The following DGAT2 variants were observed in gnomAD, a reference collection of about 807,000 sequenced individuals.
The protein encoded by DGAT2 is diacylglycerol O-acyltransferase 2.
In DGAT2, 33 loss-of-function variants were observed where a neutral mutation model predicts 48.4. The ratio of observed to expected loss-of-function variants is 0.68; its 90% confidence interval spans 0.52 to 0.91. The LOEUF (loss-of-function observed/expected upper bound fraction) is 0.91. DGAT2 is among the 40% of genes least tolerant of loss of function. The pLI, the probability that DGAT2 is intolerant of heterozygous loss-of-function variation, is 0.00. For synonymous variants in DGAT2, 191 were observed against 194.1 expected (o/e 0.98, Z 0.13); for missense variants, 446 against 493.7 (o/e 0.90, Z 0.92).
intron 1 of DGAT2, chr11:75,774,147 CAGTT>C (rs1266603745): frequency 6.6e-6 from 1 of 152,260 alleles, no homozygotes; most frequent in Non-Finnish European, 1.5e-5. Flanking sequence ...GAGCCTGGTG[CAGTT>C]AGTTTATTGG....
Position 75,800,827 on chromosome 11 carries a change from G to T in DGAT2, c.*319G>T. ...GAAGAAGGATTGCCATTAGTGACTT[G>T]GACCAGTTAGATGATTCACTTTTTG... On this transcript the variant is annotated 3_prime_UTR_variant, in exon 8 of 8. Coordinates refer to ENST00000228027, the MANE Select transcript of DGAT2 (RefSeq NM_032564.5). 3.4e-6 allele frequency: 1 copy of T among 293,618 alleles called. No individual in the cohort carries two copies. The highest frequency in any genetic ancestry group is 6.5e-6 in the Non-Finnish European group (1 of 154,454). 18.2% of individuals were successfully genotyped at this position (293,618 alleles called of 1,614,324 possible).
chr11:75,791,673 A>G (rs114750004), intron 4 of DGAT2, among the ~76,000 whole-genome samples: 1,700 of 152,292 alleles, frequency 0.011, 31 homozygotes, highest in African/African-American at 0.038. Context: ...GGAGAGATTC[A>G]ATCCCTGGAT....
chr11:75,800,388 C>T lies in DGAT2; in HGVS notation c.1047C>T (p.His349=), dbSNP rs1443508952. 3 of 1,614,168 alleles carry T rather than the reference C, an allele frequency of 1.9e-6. 1 individual carries two copies. The highest frequency in any genetic ancestry group is 2.2e-5 in the South Asian group (2 of 91,078). ...GEPITIPKLE[H]PTQQDIDLYH... Reference sequence around the variant, plus strand: ...CCATCACCATCCCCAAGCTGGAGCACCCAACCCAGCAAGACATCGACCTGT... The same window carrying T: ...CCATCACCATCCCCAAGCTGGAGCATCCAACCCAGCAAGACATCGACCTGT... Residue 349 remains histidine, a synonymous_variant, in exon 8 of 8, where the codon CAC becomes CAT. Transcript: ENST00000228027.
At chr11:75,769,738 A>C (rs1944737896) in intron 1 of DGAT2, among the ~76,000 whole-genome samples, 5 of 147,440 alleles carry the variant, frequency 3.4e-5, no homozygotes, top group East Asian at 2.0e-4. Context: ...TCCAACCCCC[A>C]CCTCCCTTAC....
intron 2 of DGAT2, among the ~76,000 whole-genome samples, chr11:75,787,836 A>G (rs1396302379): frequency 6.6e-6 from 1 of 152,148 alleles, no homozygotes; most frequent in South Asian, 2.1e-4. Context: ...GAGGCAGATG[A>G]TGAAAGGGAT....
chr11:75,794,743 C>T (rs540728812), intron 4 of DGAT2: 1 of 152,186 alleles, frequency 6.6e-6, no homozygotes, highest in South Asian at 2.1e-4. Context: ...ATGATATCAA[C>T]CCATATAACC....
intron 7 of DGAT2, among the ~76,000 whole-genome samples, chr11:75,799,921 AC>A (rs1335696983): frequency 6.6e-6 from 1 of 152,026 alleles, no homozygotes; most frequent in African/African-American, 2.4e-5. Context: ...CCTGGCCTAC[AC>A]TTTTTAAAGC....
chr11:75,790,434 G>A (rs1161719570), intron 3 of DGAT2, 139 bp downstream of exon 3: 3 of 843,044 alleles, frequency 3.6e-6, no homozygotes, highest in East Asian at 2.6e-5. Flanking sequence ...CTTTTGGGGG[G>A]AGGTTAAAAG....
chr11:75,798,754 G>A (rs569830064), intron 7 of DGAT2, among the ~76,000 whole-genome samples: 2 of 152,316 alleles, frequency 1.3e-5, no homozygotes, highest in South Asian at 2.1e-4. Context: ...ATGCGCAGGT[G>A]CTCTAGGGAG....
rs189834486 is a variant in DGAT2 at position 75,771,940 on chromosome 11, C to T, written c.121+2828C>T. Among the ~76,000 whole-genome samples, 206 of 152,264 alleles carry T rather than the reference C, an allele frequency of 1.4e-3. 1 individual carries two copies. The highest frequency in any genetic ancestry group is 4.7e-3 in the African/African-American group (194 of 41,548). On this transcript the variant is annotated intron_variant, in intron 1 of 7. Transcript: ENST00000228027. Reference sequence around the variant, plus strand: ...TGAGTTGTAAAAATTAGTGCTGGATCGGGCCCAACCCTCATGTTACAGATG... The same window carrying T: ...TGAGTTGTAAAAATTAGTGCTGGATTGGGCCCAACCCTCATGTTACAGATG...
intron 2 of DGAT2, among the ~76,000 whole-genome samples, chr11:75,789,946 A>G (rs1350154164): frequency 6.6e-6 from 1 of 152,188 alleles, no homozygotes; most frequent in African/African-American, 2.4e-5. Context: ...CATGGAGCCC[A>G]TGGGCCCCTC....
chr11:75,801,220 T>G lies in DGAT2; in HGVS notation c.*712T>G, dbSNP rs1176141065. 2.0e-5 allele frequency: 3 copies of G among 152,872 alleles called. No individual in the cohort carries two copies. The highest frequency in any genetic ancestry group is 7.2e-5 in the African/African-American group (3 of 41,418). 9.5% of individuals were successfully genotyped at this position (152,872 alleles called of 1,614,324 possible). A position where few individuals can be genotyped will look rare whatever the true frequency, so the allele number is the denominator to read the frequency against. ...GGTTTTTCTTGGGTGGCTGATGACA[T>G]GGATGCAGCACAGACTCAGCCTTGG... On this transcript the variant is annotated 3_prime_UTR_variant, in exon 8 of 8. Transcript: ENST00000228027.
At chr11:75,779,825 C>T (rs1392428949) in intron 1 of DGAT2, among the ~76,000 whole-genome samples, 1 of 152,206 alleles carries the variant, frequency 6.6e-6, no homozygotes, top group Non-Finnish European at 1.5e-5. Flanking sequence ...AGGCTCATCC[C>T]CCATCTCTGG....
chr11:75,788,407 T>C (rs1017713), intron 2 of DGAT2, among the ~76,000 whole-genome samples: 16,500 of 152,270 alleles, frequency 0.11, 965 homozygotes, highest in East Asian at 0.23. Context: ...TCTTCCCTTC[T>C]GCGATGTCAC....
chr11:75,779,309 G>A (rs1168435020), intron 1 of DGAT2, among the ~76,000 whole-genome samples: 1 of 152,228 alleles, frequency 6.6e-6, no homozygotes, highest in Non-Finnish European at 1.5e-5. Flanking sequence ...AAGTCCAGGT[G>A]TGGGCTGGCG....
chr11:75,781,890 T>C (rs945441511), intron 1 of DGAT2, among the ~76,000 whole-genome samples: 1 of 152,174 alleles, frequency 6.6e-6, no homozygotes, highest in Non-Finnish European at 1.5e-5. Context: ...TTAAGACACC[T>C]AATAAGCTTA....
chr11:75,784,968 T>C (rs995823257), intron 2 of DGAT2, among the ~76,000 whole-genome samples: 10 of 152,144 alleles, frequency 6.6e-5, no homozygotes, highest in South Asian at 2.1e-4. Context: ...GGTGGTGTGA[T>C]AGTTCCCATT....
chr11:75,778,750 A>C (rs1692709599), intron 1 of DGAT2, among the ~76,000 whole-genome samples: 2 of 146,254 alleles, frequency 1.4e-5, no homozygotes, highest in Admixed American at 1.4e-4. Flanking sequence ...AGGAGAATGG[A>C]GTGAACCCTG....
chr11:75,792,717 A>G (rs1310058585), intron 4 of DGAT2: 2 of 151,908 alleles, frequency 1.3e-5, no homozygotes, highest in African/African-American at 4.8e-5. Context: ...AGTGCCCCAC[A>G]TCACCTCTCC....
Sources: allele counts gnomAD v4.1 joint callset (sites outside exome capture counted in the v4.1 genomes callset), GRCh38; gene constraint gnomAD v4.1.1; transcripts MANE v1.5; gene names NCBI Gene and HGNC (gene_info 2026-07-23, HGNC 2026-07-21).